The following RAD51B variants were observed in gnomAD, a reference collection of about 807,000 sequenced individuals.
The protein encoded by RAD51B is DNA repair protein RAD51 homolog 2.
A neutral mutation model predicts 42.2 loss-of-function variants in RAD51B; 38 were observed. The ratio of observed to expected loss-of-function variants is 0.90; its 90% CI spans 0.70 to 1.18. The LOEUF (loss-of-function observed/expected upper bound fraction) is 1.18. Among genes scored for constraint, RAD51B ranks in the 50% most tolerant of loss-of-function variants. The pLI, the probability that RAD51B is intolerant of heterozygous loss-of-function variation, is 0.00. For missense variants in RAD51B, 373 were observed against 400.7 expected, an observed-to-expected ratio of 0.93 and a Z score of 0.59; for synonymous variants, 154 against 145.2, an observed-to-expected ratio of 1.06 and a Z score of -0.43.
chr14:68,580,375 G>T (rs533663189), intron 10 of RAD51B, among the ~76,000 whole-genome samples: 4 of 126,668 alleles, frequency 3.2e-5, no homozygotes, highest in African/African-American at 1.0e-4. Flanking sequence ...TTGAGTAGCT[G>T]TGTGACCTTG....
rs1053158931 is a variant in RAD51B, at chr14:68,434,169, C to T, written c.957+22642C>T. Among the ~76,000 whole-genome samples, 3 of 152,334 alleles carry T rather than the reference C, an allele frequency of 2.0e-5. No homozygotes were observed. The South Asian group carries it at 6.2e-4, about 32-fold the overall frequency. ...TCTGCCCCTACTTGGGGGTGCCTCC[C>T]AGTTAAGCTACTCGGGGGTCAGGGA... On this transcript the variant is annotated intron_variant, in intron 9 of 10. Transcript: ENST00000471583.
chr14:68,091,305 T>C (rs572526273), intron 7 of RAD51B, among the ~76,000 whole-genome samples: 2 of 152,330 alleles, frequency 1.3e-5, no homozygotes, highest in East Asian at 3.9e-4. Context: ...TGAACTAGTT[T>C]ACAGTCCCAC....
intron 7 of RAD51B, among the ~76,000 whole-genome samples, chr14:67,951,766 G>T (rs1424854309): frequency 6.6e-6 from 1 of 152,116 alleles, no homozygotes; most frequent in African/African-American, 2.4e-5. Context: ...ATCTGATGTG[G>T]CTGCAAAGTT....
At chr14:68,475,316 A>T (rs1020940461) in intron 10 of RAD51B, among the ~76,000 whole-genome samples, 5 of 152,232 alleles carry the variant, frequency 3.3e-5, no homozygotes, top group African/African-American at 4.8e-5. Flanking sequence ...CCAGTTGCAG[A>T]GATTAGGTGC....
intron 7 of RAD51B, among the ~76,000 whole-genome samples, chr14:68,252,613 C>T (rs1431115773): frequency 1.3e-5 from 2 of 152,152 alleles, no homozygotes; most frequent in Non-Finnish European, 2.9e-5. Context: ...TGTATAACAA[C>T]ATTGCAGGAA....
chr14:68,276,874 G>A (rs1206031581), intron 7 of RAD51B, among the ~76,000 whole-genome samples: 1 of 151,758 alleles, frequency 6.6e-6, no homozygotes, highest in East Asian at 1.9e-4. Context: ...ATGGCACAGG[G>A]ATGGGGTCTT....
At chr14:68,527,101 A>G (rs1359671603) in intron 10 of RAD51B, among the ~76,000 whole-genome samples, 1 of 152,260 alleles carries the variant, frequency 6.6e-6, no homozygotes, top group Non-Finnish European at 1.5e-5. Context: ...CAAAGTTTCA[A>G]TTATAAAGCC....
At chr14:68,626,149 T>C (rs949682145) in intron 10 of RAD51B, among the ~76,000 whole-genome samples, 6 of 152,212 alleles carry the variant, frequency 3.9e-5, no homozygotes, top group Admixed American at 1.3e-4. Flanking sequence ...ATCTTCAAGG[T>C]GTCCACCATC....
At chr14:68,612,437 C>G (rs1891713988), downstream of RAD51B, among the ~76,000 whole-genome samples, 1 of 152,230 alleles carries the variant, frequency 6.6e-6, no homozygotes, top group African/African-American at 2.4e-5. Context: ...TCCTTCCCGG[C>G]TACCACATGA....
chr14:67,896,193 C>A (rs553949937), intron 7 of RAD51B, among the ~76,000 whole-genome samples: 3 of 152,092 alleles, frequency 2.0e-5, no homozygotes, highest in African/African-American at 7.2e-5. Context: ...CACACTTTTT[C>A]TAGTTAGGCA....
intron 7 of RAD51B, among the ~76,000 whole-genome samples, chr14:68,263,111 T>C (rs1469484398): frequency 6.6e-6 from 1 of 152,198 alleles, no homozygotes; most frequent in African/African-American, 2.4e-5. Context: ...TTTCCTCCTT[T>C]GCATCAGAGA....
At chr14:68,228,427 T>A (rs2080083993) in intron 7 of RAD51B, among the ~76,000 whole-genome samples, 1 of 152,226 alleles carries the variant, frequency 6.6e-6, no homozygotes, top group African/African-American at 2.4e-5. Context: ...GCTTAATCAA[T>A]GTTGAATCAT....
At chr14:67,930,886 C>T (rs1178263117) in intron 7 of RAD51B, among the ~76,000 whole-genome samples, 8 of 148,996 alleles carry the variant, frequency 5.4e-5, no homozygotes, top group Non-Finnish European at 1.2e-4. Flanking sequence ...ATTCTTTATT[C>T]AATTTTTTTT....
chr14:68,266,484 T>G (rs2080994599), intron 7 of RAD51B, among the ~76,000 whole-genome samples: 2 of 152,180 alleles, frequency 1.3e-5, no homozygotes, highest in Non-Finnish European at 2.9e-5. Flanking sequence ...AGAAAATTAT[T>G]TTATGGCCTG....
At chr14:68,557,347 T>C (rs1218724715) in intron 10 of RAD51B, among the ~76,000 whole-genome samples, 1 of 152,152 alleles carries the variant, frequency 6.6e-6, no homozygotes, top group Non-Finnish European at 1.5e-5. Flanking sequence ...GGCAAAATCA[T>C]CTAACACAAA....
downstream of RAD51B, among the ~76,000 whole-genome samples, chr14:68,598,790 G>T (rs1891104381): frequency 6.6e-6 from 1 of 152,202 alleles, no homozygotes; most frequent in Non-Finnish European, 1.5e-5. Context: ...CCCCTTTTCT[G>T]TCAGCAGGCA....
At position 67,825,078 on chromosome 14, in the gene RAD51B, CAAAAAAAAAAAAAAA is replaced by C. The variant is rs56227529; in HGVS notation, c.85-371_85-357del. Among the ~76,000 whole-genome samples the C allele has an allele frequency of 3.4e-4, 17 of 50,556 alleles. No homozygotes were observed. In the South Asian group the frequency reaches 9.4e-3, roughly 28 times the overall value. The allele number at this position is 50,556 out of a possible 152,430, so 33.2% of individuals were successfully genotyped here. A position where few individuals can be genotyped will look rare whatever the true frequency, so the allele number is the denominator to read the frequency against. On this transcript the variant is annotated intron_variant, in intron 2 of 10. Transcript: ENST00000471583. ...GGGCGACAGAGCAAAACTCTTGTCT[CAAAAAAAAAAAAAAA>C]AAAAAAAAAAAAAAGGAAAGAAACT...
intron 8 of RAD51B, among the ~76,000 whole-genome samples, chr14:68,362,424 C>T (rs1412776704): frequency 6.6e-6 from 1 of 152,094 alleles, no homozygotes; most frequent in African/African-American, 2.4e-5. Flanking sequence ...AGTGTTAGCC[C>T]CATTTTACAG....
chr14:68,445,336 T>A (rs1271692691), intron 9 of RAD51B, among the ~76,000 whole-genome samples: 2 of 152,192 alleles, frequency 1.3e-5, no homozygotes, highest in Admixed American at 1.3e-4. Flanking sequence ...TGTATAAGAT[T>A]ACTAATTTAC....
Sources: allele counts gnomAD v4.1 joint callset (sites outside exome capture counted in the v4.1 genomes callset), GRCh38; gene constraint gnomAD v4.1.1; transcripts MANE v1.5; gene names NCBI Gene and HGNC (gene_info 2026-07-23, HGNC 2026-07-21).